Variants in GALNT14 observed in about 807,000 individuals in gnomAD.
GALNT14 encodes UDP-GalNAc:polypeptide N-acetylgalactosaminyltransferase 14.
In GALNT14, 60 loss-of-function variants were observed where a neutral mutation model predicts 77.5. The ratio of observed to expected loss-of-function variants is 0.77; its 90% CI spans 0.63 to 0.96. The LOEUF (loss-of-function observed/expected upper bound fraction) is 0.96. GALNT14 is among the 40% of genes least tolerant of loss of function. The probability of loss-of-function intolerance (pLI) is 0.00; values close to 1 mark genes in which losing one functional copy is unlikely to be tolerated. For missense variants in GALNT14, 710 were observed against 731.0 expected, an observed-to-expected ratio of 0.97 and a Z score of 0.33; for synonymous variants, 280 against 281.7, an observed-to-expected ratio of 0.99 and a Z score of 0.06.
chr2:30,895,906 T>A, the GALNT14 span, among the ~76,000 whole-genome samples: 1 of 152,320 alleles, frequency 6.6e-6, no homozygotes, highest in Non-Finnish European at 1.5e-5. Flanking sequence ...AAATATTTAT[T>A]GCTCAGTGAT....
chr2:30,980,094 G>C (rs1254946379), intron 2 of GALNT14, among the ~76,000 whole-genome samples: 2 of 152,204 alleles, frequency 1.3e-5, no homozygotes, highest in Non-Finnish European at 2.9e-5. Flanking sequence ...CCGAGGCCCA[G>C]AGCTCTCTAA....
chr2:31,012,304 C>T (rs1389274547), intron 1 of GALNT14, among the ~76,000 whole-genome samples: 1 of 152,200 alleles, frequency 6.6e-6, no homozygotes, highest in African/African-American at 2.4e-5. Context: ...TTCCATTAAA[C>T]TGCCACCACC....
At chr2:30,939,671 A>G (rs1476962971) in intron 9 of GALNT14, among the ~76,000 whole-genome samples, 1 of 152,038 alleles carries the variant, frequency 6.6e-6, no homozygotes, top group Non-Finnish European at 1.5e-5. Flanking sequence ...CACTGAGGAG[A>G]GTATTGGAGC....
chr2:30,915,604 A>G (rs1432896362), intron 13 of GALNT14, among the ~76,000 whole-genome samples: 1 of 152,188 alleles, frequency 6.6e-6, no homozygotes, highest in Non-Finnish European at 1.5e-5. Context: ...GAGTTTATTA[A>G]AAGAATCCTG....
At position 31,010,378 on chromosome 2, in the gene GALNT14, T is replaced by A. The variant is rs542068376; in HGVS notation, c.130-17371A>T. ...ACTTTGGGAGGCCAAGGCGGGCAGA[T>A]CACGAGGTCAGGAGATCCAGACCAT... is the stretch of plus-strand genomic sequence containing the variant. On this transcript the variant is annotated intron_variant, in intron 1 of 14. Transcript: ENST00000349752. Among the ~76,000 whole-genome samples, 43 of 152,280 alleles carry A rather than the reference T, an allele frequency of 2.8e-4. No homozygotes were observed. The East Asian group carries it at 6.2e-3, about 22-fold the overall frequency.
chr2:31,037,793 C>T (rs1297373849), intron 1 of GALNT14, among the ~76,000 whole-genome samples: 1 of 151,822 alleles, frequency 6.6e-6, no homozygotes, highest in Admixed American at 6.6e-5. Flanking sequence ...TCCCAGACTT[C>T]GCTGAGAGGC....
chr2:31,010,122 A>C (rs1028154948), intron 1 of GALNT14, among the ~76,000 whole-genome samples: 1 of 152,198 alleles, frequency 6.6e-6, no homozygotes, highest in East Asian at 1.9e-4. Flanking sequence ...AGTAGTTGGG[A>C]TTACAGGAGC....
chr2:30,945,808 G>C lies in GALNT14; in HGVS notation c.717C>G (p.Ile239Met), dbSNP rs779712115. 2 of 1,614,124 alleles carry C rather than the reference G, an allele frequency of 1.2e-6. No homozygotes were observed. Among genetic ancestry groups the C allele is most frequent in the Non-Finnish European group, 1.7e-6 (2 of 1,179,996 alleles). ...DIINLDTFTYIESASELRGGF... is the reference protein window; with the variant it reads ...DIINLDTFTYMESASELRGGF... ...CCCCTCTGAGCTCCGAGGCAGACTC[G>C]ATGTAGGTGAAGGTGTCCAGGTTAA... Residue 239 changes from isoleucine to methionine, a missense_variant, in exon 7 of 15, where the codon ATC (isoleucine) becomes ATG (methionine). Transcript: ENST00000349752.
chr2:31,071,595 C>T (rs1031057162), intron 1 of GALNT14, among the ~76,000 whole-genome samples: 3 of 152,068 alleles, frequency 2.0e-5, no homozygotes, highest in African/African-American at 4.8e-5. Flanking sequence ...CTGTGTGTCC[C>T]GGGCCTACCT....
chr2:30,979,645 A>G (rs1410725124), intron 2 of GALNT14, among the ~76,000 whole-genome samples: 2 of 152,160 alleles, frequency 1.3e-5, no homozygotes, highest in Non-Finnish European at 2.9e-5. Flanking sequence ...GCTCAAGGAC[A>G]TTTACTGATC....
intron 1 of GALNT14, 84 bp downstream of exon 1, chr2:31,137,874 C>A: frequency 1.3e-6 from 2 of 1,516,340 alleles, no homozygotes; most frequent in South Asian, 1.2e-5. Flanking sequence ...CCCTGGTTTC[C>A]CGGGAGCCCG....
chr2:31,080,256 G>A (rs193270288), intron 1 of GALNT14, among the ~76,000 whole-genome samples: 1 of 152,334 alleles, frequency 6.6e-6, no homozygotes, highest in East Asian at 1.9e-4. Flanking sequence ...ATAATGGGGA[G>A]AATAAGGTTA....
At chr2:30,914,701 C>T (rs1029710279) in intron 13 of GALNT14, among the ~76,000 whole-genome samples, 5 of 152,196 alleles carry the variant, frequency 3.3e-5, no homozygotes, top group African/African-American at 1.2e-4. Flanking sequence ...GAGTCATTCC[C>T]CTCTAAATGG....
At chr2:30,966,770 T>G (rs1668036210) in intron 2 of GALNT14, among the ~76,000 whole-genome samples, 1 of 152,178 alleles carries the variant, frequency 6.6e-6, no homozygotes, top group Non-Finnish European at 1.5e-5. Flanking sequence ...CATGTTGTGC[T>G]GACGCCCAGC....
intron 2 of GALNT14, among the ~76,000 whole-genome samples, chr2:30,979,915 G>A (rs576580538): frequency 2.0e-5 from 3 of 152,240 alleles, no homozygotes; most frequent in African/African-American, 4.8e-5. Flanking sequence ...GCTGGCCCCC[G>A]GCTCTAAATC....
At chr2:31,040,774 C>T (rs1005053345) in intron 1 of GALNT14, among the ~76,000 whole-genome samples, 1 of 152,180 alleles carries the variant, frequency 6.6e-6, no homozygotes, top group Non-Finnish European at 1.5e-5. Flanking sequence ...CAGGTGGAAG[C>T]TTGGCACTGA....
the GALNT14 span, among the ~76,000 whole-genome samples, chr2:30,895,229 T>TG: frequency 2.6e-5 from 4 of 152,186 alleles, no homozygotes; most frequent in East Asian, 1.9e-4. Context: ...ACAGAGGCAG[T>TG]GGGGGGTCCC....
In GALNT14 at chr2:30,945,829, GT is replaced by G. The variant is rs775028275; in HGVS notation, c.695del (p.Asn232ThrfsTer49). On this transcript the variant is annotated frameshift_variant, in exon 7 of 15. Transcript: ENST00000349752. LOFTEE classifies it high-confidence loss of function. Reference protein sequence around the residue: ...RVVCPVIDIINLDTFTYIESA... With the variant: ...RVVCPVIDIIXLDTFTYIESA... ...ACTCGATGTAGGTGAAGGTGTCCAG[GT>G]TAATGATATCGATCACAGGGCACAC... 100 of 1,614,056 alleles carry G rather than the reference GT, an allele frequency of 6.2e-5. No individual in the cohort carries two copies. Among genetic ancestry groups the G allele is most frequent in the Non-Finnish European group, 8.0e-5 (94 of 1,180,042 alleles).
the GALNT14 span, among the ~76,000 whole-genome samples, chr2:30,899,016 G>A: frequency 6.6e-6 from 1 of 152,178 alleles, no homozygotes; most frequent in African/African-American, 2.4e-5. Context: ...CAGGCTTGCA[G>A]AATAAAATAG....
Sources: gnomAD v4.1 joint callset for allele counts (sites outside exome capture counted in the v4.1 genomes callset) on GRCh38, gnomAD v4.1.1 for gene constraint, MANE v1.5 for transcripts, NCBI Gene and HGNC (gene_info 2026-07-23, HGNC 2026-07-21) for gene names.